PCCA: variants seen among roughly 807,000 people sequenced by gnomAD.
PCCA encodes propionyl-CoA carboxylase alpha chain, mitochondrial.
PCCA carries 74 observed loss-of-function variants against 101.3 expected under a neutral mutation model. That is an observed-to-expected ratio of 0.73 (90% CI 0.61 to 0.89). The LOEUF is 0.89. PCCA is among the 40% of genes least tolerant of loss of function. PCCA has a pLI of 0.00. For missense variants in PCCA, 891 were observed against 907.0 expected (o/e 0.98, Z 0.23); for synonymous variants, 294 against 313.6 (o/e 0.94, Z 0.66).
chr13:100,310,032 T>C (rs567228165), intron 16 of PCCA, 124 bp downstream of exon 16: 64 of 731,140 alleles, frequency 8.8e-5, no homozygotes, highest in Non-Finnish European at 1.4e-4. Flanking sequence ...TAAAGAGAAA[T>C]AAGAAAAACT....
intron 12 of PCCA, among the ~76,000 whole-genome samples, chr13:100,277,972 AC>A (rs2063786219): frequency 6.6e-6 from 1 of 152,206 alleles, no homozygotes; most frequent in Non-Finnish European, 1.5e-5. Flanking sequence ...GCATTTTGAG[AC>A]TAGTATTGTA....
intron 19 of PCCA, among the ~76,000 whole-genome samples, chr13:100,408,638 T>C (rs1447300865): frequency 1.3e-5 from 2 of 152,100 alleles, no homozygotes; most frequent in South Asian, 2.1e-4. Flanking sequence ...CATGCAGATA[T>C]GGAACCAGAG....
At chr13:100,253,182 A>G (rs1006590544) in intron 8 of PCCA, among the ~76,000 whole-genome samples, 3 of 152,168 alleles carry the variant, frequency 2.0e-5, no homozygotes, top group Admixed American at 6.6e-5. Flanking sequence ...TAATATGTGT[A>G]TATACATAAA....
intron 21 of PCCA, among the ~76,000 whole-genome samples, chr13:100,511,785 T>C (rs1015961661): frequency 3.3e-5 from 5 of 152,180 alleles, no homozygotes; most frequent in African/African-American, 1.2e-4. Context: ...CTCGGGATCA[T>C]TGCAACATTT....
chr13:100,116,343 T>C (rs980689713), intron 4 of PCCA, among the ~76,000 whole-genome samples: 1 of 152,198 alleles, frequency 6.6e-6, no homozygotes, highest in Non-Finnish European at 1.5e-5. Context: ...CTATTCATTG[T>C]CTATTATAAA....
At chr13:100,527,832 T>A (rs1322483678) in intron 23 of PCCA, 80 bp downstream of exon 23, 4 of 1,072,794 alleles carry the variant, frequency 3.7e-6, no homozygotes, top group Non-Finnish European at 5.7e-6. Context: ...GTGGTTTGGC[T>A]GGAAAGGGCC....
At chr13:100,420,005 AT>A (rs781153387) in intron 19 of PCCA, among the ~76,000 whole-genome samples, 6 of 152,232 alleles carry the variant, frequency 3.9e-5, no homozygotes, top group Non-Finnish European at 7.3e-5. Context: ...AGTTTTTTGC[AT>A]AATTTAAACT....
chr13:100,453,254 C>A (rs895555251), intron 21 of PCCA, among the ~76,000 whole-genome samples: 1 of 152,060 alleles, frequency 6.6e-6, no homozygotes, highest in African/African-American at 2.4e-5. Context: ...GTAATCCCAG[C>A]GCTTTGGGAG....
At chr13:100,458,477 ACACACACACT>A (rs1183188270) in intron 21 of PCCA, among the ~76,000 whole-genome samples, 4 of 119,454 alleles carry the variant, frequency 3.3e-5, no homozygotes, top group Non-Finnish European at 5.3e-5. Context: ...ACACACACAC[ACACACACACT>A]AGCGGAGTAT....
intron 4 of PCCA, among the ~76,000 whole-genome samples, chr13:100,148,339 C>A (rs2052837633): frequency 6.6e-6 from 1 of 152,152 alleles, no homozygotes; most frequent in South Asian, 2.1e-4. Context: ...GGAAAACAAA[C>A]CTGAGTCATC....
chr13:100,155,122 C>A, intron 5 of PCCA, 30 bp downstream of exon 5: 1 of 1,348,420 alleles, frequency 7.4e-7, no homozygotes, highest in Non-Finnish European at 1.1e-6. Context: ...TCTACTGCAG[C>A]TGTTTCATAT....
At chr13:100,383,314 G>C (rs1258382071) in intron 19 of PCCA, among the ~76,000 whole-genome samples, 1 of 151,542 alleles carries the variant, frequency 6.6e-6, no homozygotes, top group South Asian at 2.1e-4. Flanking sequence ...TTTTATCCAA[G>C]CAATATTTTT....
intron 20 of PCCA, among the ~76,000 whole-genome samples, chr13:100,437,185 G>A (rs2079996311): frequency 6.6e-6 from 1 of 152,112 alleles, no homozygotes; most frequent in Non-Finnish European, 1.5e-5. Context: ...CTCACTGTCC[G>A]TTGCTGGGTG....
intron 19 of PCCA, among the ~76,000 whole-genome samples, chr13:100,381,862 C>T (rs1176282721): frequency 6.6e-6 from 1 of 152,200 alleles, no homozygotes; most frequent in Non-Finnish European, 1.5e-5. Flanking sequence ...AGGGAGTGCA[C>T]AGGTGAGTGG....
chr13:100,328,404 A>AATAATAATAATG (rs904123736), intron 16 of PCCA, among the ~76,000 whole-genome samples: 27 of 144,788 alleles, frequency 1.9e-4, no homozygotes, highest in African/African-American at 6.9e-4. Flanking sequence ...TAATAATAAT[A>AATAATAATAATG]ATGATGATAA....
chr13:100,456,309 T>C (rs2081704454), intron 21 of PCCA, among the ~76,000 whole-genome samples: 1 of 152,214 alleles, frequency 6.6e-6, no homozygotes, highest in Admixed American at 6.5e-5. Flanking sequence ...ATTAAGTATA[T>C]GTCATTTGGC....
intron 16 of PCCA, among the ~76,000 whole-genome samples, chr13:100,311,631 G>A (rs530424857): frequency 1.9e-4 from 29 of 152,070 alleles, no homozygotes; most frequent in Non-Finnish European, 3.7e-4. Flanking sequence ...TTAGCCAGGC[G>A]TGGTGGTGGG....
At chr13:100,166,552 GCCTCCCAAAGT>G (rs2055054765) in intron 6 of PCCA, among the ~76,000 whole-genome samples, 1 of 152,176 alleles carries the variant, frequency 6.6e-6, no homozygotes, top group Non-Finnish European at 1.5e-5. Context: ...GCCTGCCTCA[GCCTCCCAAAGT>G]GCTGGGATTA....
At chr13:100,415,438 A>G (rs1244825634) in intron 19 of PCCA, among the ~76,000 whole-genome samples, 1 of 152,126 alleles carries the variant, frequency 6.6e-6, no homozygotes, top group Non-Finnish European at 1.5e-5. Context: ...AAATGTACAG[A>G]TCTTTTTCCA....
Sources: allele counts gnomAD v4.1 joint callset (sites outside exome capture counted in the v4.1 genomes callset), GRCh38; gene constraint gnomAD v4.1.1; transcripts MANE v1.5; gene names NCBI Gene and HGNC (gene_info 2026-07-23, HGNC 2026-07-21).